FOCAD: variants seen among roughly 807,000 people sequenced by gnomAD.
The protein encoded by FOCAD is focadhesin, also known as KIAA1797.
FOCAD carries 198 observed loss-of-function variants against 225.6 expected under a neutral mutation model. The observed-to-expected ratio is 0.88, with a 90% CI of 0.78 to 0.99. The LOEUF is 0.99. Among genes scored for constraint, FOCAD ranks in the 50% least tolerant of loss-of-function variants. FOCAD has a pLI of 0.00. For missense variants in FOCAD, 2,713 were observed against 2,123.6 expected (o/e 1.28, Z -5.46); for synonymous variants, 897 against 755.0 (o/e 1.19, Z -3.08).
chr9:20,801,115 C>T (rs375512166), intron 11 of FOCAD, among the ~76,000 whole-genome samples: 3 of 152,134 alleles, frequency 2.0e-5, no homozygotes, highest in Non-Finnish European at 4.4e-5. Context: ...GAGGTCCACT[C>T]CAGACCCTGT....
chr9:20,858,262 C>T (rs965016071), intron 15 of FOCAD, among the ~76,000 whole-genome samples: 1 of 152,060 alleles, frequency 6.6e-6, no homozygotes, highest in African/African-American at 2.4e-5. Context: ...GCTGCAATCT[C>T]ACTACTTTTT....
chr9:20,713,241 T>G (rs1348855692), intron 1 of FOCAD, among the ~76,000 whole-genome samples: 1 of 152,238 alleles, frequency 6.6e-6, no homozygotes, highest in Non-Finnish European at 1.5e-5. Flanking sequence ...TCATTGATCC[T>G]TTGACCTGAT....
At chr9:20,933,590 TCA>T (rs1203392080) in intron 28 of FOCAD, among the ~76,000 whole-genome samples, 5 of 152,042 alleles carry the variant, frequency 3.3e-5, no homozygotes, top group African/African-American at 4.8e-5. Context: ...TGTGTGTGTA[TCA>T]CAGTTTCTTT....
intron 24 of FOCAD, among the ~76,000 whole-genome samples, chr9:20,922,418 G>T (rs1834526453): frequency 6.6e-6 from 1 of 152,162 alleles, no homozygotes; most frequent in Non-Finnish European, 1.5e-5. Context: ...GGAAGGGAGA[G>T]GGGGAAGGAA....
intron 15 of FOCAD, among the ~76,000 whole-genome samples, chr9:20,829,154 A>G (rs1462181642): frequency 6.6e-6 from 1 of 152,166 alleles, no homozygotes; most frequent in African/African-American, 2.4e-5. Context: ...GTATATACCC[A>G]GTAATGAAAT....
intron 15 of FOCAD, among the ~76,000 whole-genome samples, chr9:20,840,142 G>A (rs1033074872): frequency 2.0e-5 from 3 of 151,896 alleles, no homozygotes; most frequent in African/African-American, 7.3e-5. Context: ...GGCTATTCTG[G>A]GTCTTTCATG....
chr9:20,907,951 G>A (rs558985082), intron 22 of FOCAD, among the ~76,000 whole-genome samples: 17 of 152,152 alleles, frequency 1.1e-4, no homozygotes, highest in Admixed American at 3.9e-4. Flanking sequence ...TACTCCTAAG[G>A]ACAGGAGCTC....
At chr9:20,717,896 C>A (rs769752089) in intron 3 of FOCAD, 28 bp downstream of exon 3, 3 of 1,566,480 alleles carry the variant, frequency 1.9e-6, no homozygotes, top group Non-Finnish European at 2.6e-6. Context: ...TGCTTTAATT[C>A]TCTTCAGATA....
At chr9:20,882,552 G>A (rs1260050631) in intron 20 of FOCAD, among the ~76,000 whole-genome samples, 1 of 152,154 alleles carries the variant, frequency 6.6e-6, no homozygotes, top group African/African-American at 2.4e-5. Context: ...GCATGCAAGA[G>A]GTAAAAGCCC....
At chr9:20,727,823 C>A (rs1338762923) in intron 4 of FOCAD, among the ~76,000 whole-genome samples, 1 of 152,176 alleles carries the variant, frequency 6.6e-6, no homozygotes, top group Admixed American at 6.5e-5. Context: ...AGGGATGCAT[C>A]CCTCTTGGGA....
intron 1 of FOCAD, among the ~76,000 whole-genome samples, chr9:20,711,759 C>T (rs188969184): frequency 6.6e-6 from 1 of 152,252 alleles, no homozygotes; most frequent in East Asian, 1.9e-4. Context: ...TTTAGAGCCT[C>T]CTAAGAGAAA....
chr9:20,880,442 C>T (rs1360080269), intron 19 of FOCAD, among the ~76,000 whole-genome samples: 2 of 152,188 alleles, frequency 1.3e-5, no homozygotes, highest in African/African-American at 4.8e-5. Flanking sequence ...TCACTGTTTT[C>T]ACCCTTTGAT....
intron 1 of FOCAD, among the ~76,000 whole-genome samples, chr9:20,706,805 T>C (rs561423608): frequency 1.3e-5 from 2 of 152,294 alleles, no homozygotes; most frequent in East Asian, 3.9e-4. Context: ...CTGTAATAGT[T>C]GGAGTTCCAG....
chr9:20,859,606 G>GT (rs896663689), intron 15 of FOCAD, among the ~76,000 whole-genome samples: 19 of 144,628 alleles, frequency 1.3e-4, no homozygotes, highest in East Asian at 4.0e-4. Context: ...TTTGACTAGT[G>GT]TTTTTTTTTC....
intron 4 of FOCAD, among the ~76,000 whole-genome samples, chr9:20,726,676 G>T (rs867054995): frequency 3.2e-4 from 48 of 152,260 alleles, no homozygotes; most frequent in African/African-American, 1.2e-3. Flanking sequence ...GCTGATGAAG[G>T]TTCAGTGGTT....
chr9:20,874,994 A>T, intron 19 of FOCAD, 187 bp downstream of exon 19: 2 of 659,716 alleles, frequency 3.0e-6, no homozygotes, highest in South Asian at 2.0e-5. Flanking sequence ...ATCATACGAA[A>T]AAACGTTACA....
chr9:20,934,974 A>C (rs939096259), intron 28 of FOCAD, among the ~76,000 whole-genome samples: 9 of 152,200 alleles, frequency 5.9e-5, no homozygotes, highest in African/African-American at 1.9e-4. Context: ...GAAATCATAG[A>C]TGACACAAAT....
At chr9:20,769,931 G>T (rs1818019901) in intron 7 of FOCAD, 101 bp from the exon 8 acceptor site, 2 of 1,070,052 alleles carry the variant, frequency 1.9e-6, no homozygotes, top group Non-Finnish European at 2.7e-6. Flanking sequence ...GTCTTTATAG[G>T]TTTAGAGAAA....
At chr9:20,737,590 G>C (rs1827252216) in intron 4 of FOCAD, among the ~76,000 whole-genome samples, 1 of 152,156 alleles carries the variant, frequency 6.6e-6, no homozygotes, top group Non-Finnish European at 1.5e-5. Context: ...GACATTGAAG[G>C]CTAGAAGATA....
Sources: allele counts gnomAD v4.1 joint callset (sites outside exome capture counted in the v4.1 genomes callset), GRCh38; gene constraint gnomAD v4.1.1; transcripts MANE v1.5; gene names NCBI Gene and HGNC (gene_info 2026-07-23, HGNC 2026-07-21).